CNTN4: variants seen among roughly 807,000 people sequenced by gnomAD.
CNTN4 encodes contactin 4.
A neutral mutation model predicts 122.5 loss-of-function variants in CNTN4; 77 were observed. The ratio of observed to expected loss-of-function variants is 0.63; its 90% CI spans 0.52 to 0.76. The LOEUF (loss-of-function observed/expected upper bound fraction) is 0.76, where lower values mean the gene tolerates loss of function less well. Among genes scored for constraint, CNTN4 ranks in the 30% least tolerant of loss-of-function variants. The probability of loss-of-function intolerance (pLI) is 0.00; values close to 1 mark genes in which losing one functional copy is unlikely to be tolerated. For synonymous variants in CNTN4, 512 were observed against 447.0 expected, an observed-to-expected ratio of 1.15 and a Z score of -1.83; for missense variants, 1,256 against 1,259.1, an observed-to-expected ratio of 1.00 and a Z score of 0.04.
chr3:2,315,547 A>G (rs549387943), intron 2 of CNTN4, among the ~76,000 whole-genome samples: 5 of 151,802 alleles, frequency 3.3e-5, no homozygotes, highest in South Asian at 2.1e-4. Flanking sequence ...GCTTTTTTCT[A>G]TTTTTTTCCT....
At chr3:2,460,099 A>G (rs1261865621) in intron 3 of CNTN4, among the ~76,000 whole-genome samples, 1 of 152,048 alleles carries the variant, frequency 6.6e-6, no homozygotes, top group Non-Finnish European at 1.5e-5. Context: ...GATCTCTAAT[A>G]TAGCAGGTGT....
chr3:2,712,394 A>G (rs1485528019), intron 4 of CNTN4, among the ~76,000 whole-genome samples: 1 of 152,240 alleles, frequency 6.6e-6, no homozygotes, highest in African/African-American at 2.4e-5. Flanking sequence ...ATAAAATTCT[A>G]TTAGCTAGTA....
rs138850898 is a variant in CNTN4 at position 2,428,361 on chromosome 3, A to G, written c.-89+89128A>G. 8.5e-3 allele frequency among the ~76,000 whole-genome samples: 1,295 copies of G among 152,200 alleles called. 19 individuals carry two copies. Among genetic ancestry groups the G allele is most frequent in the African/African-American group, 0.03 (1,229 of 41,524 alleles). On this transcript the variant is annotated intron_variant, in intron 3 of 24. Transcript: ENST00000418658. ...AGTTTGGCTGGATATGAAATTCTGG[A>G]TTGAAAATTCTTTGCTTTAAGAATG... is the stretch of plus-strand genomic sequence containing the variant.
chr3:2,946,374 G>A (rs1428051378), intron 13 of CNTN4, among the ~76,000 whole-genome samples: 1 of 152,114 alleles, frequency 6.6e-6, no homozygotes, highest in Non-Finnish European at 1.5e-5. Context: ...TACATTTATG[G>A]TAAAACTGAG....
intron 2 of CNTN4, among the ~76,000 whole-genome samples, chr3:2,226,079 C>G (rs921747314): frequency 6.6e-6 from 1 of 152,160 alleles, no homozygotes; most frequent in Non-Finnish European, 1.5e-5. Context: ...TGTTTAAATA[C>G]TGGTAAAAGC....
At chr3:2,285,212 C>A (rs1212739860) in intron 2 of CNTN4, among the ~76,000 whole-genome samples, 1 of 151,940 alleles carries the variant, frequency 6.6e-6, no homozygotes, top group East Asian at 1.9e-4. Context: ...TAAAGTACTA[C>A]AAGATGAGTA....
rs563843768 is a variant in CNTN4 at position 2,822,733 on chromosome 3, A to C, written c.454+3152A>C. ...GTGATGCTGTGCTGCTACGCAATGAAGTACCTGACTACTTTCCCTTTCCCA... is the reference window on the plus strand; with the variant it reads ...GTGATGCTGTGCTGCTACGCAATGACGTACCTGACTACTTTCCCTTTCCCA... On this transcript the variant is annotated intron_variant, in intron 7 of 24. Transcript: ENST00000418658. Among the ~76,000 whole-genome samples, 386 of 152,332 alleles carry C rather than the reference A, an allele frequency of 2.5e-3. 4 individuals carry two copies. Among genetic ancestry groups the C allele is most frequent in the African/African-American group, 8.4e-3 (348 of 41,592 alleles).
rs149458426 is a variant in CNTN4, at chr3:2,173,146, C to G, written c.-145+72507C>G. Among the ~76,000 whole-genome samples, 11 of 152,286 alleles carry G rather than the reference C, an allele frequency of 7.2e-5. No homozygotes were observed. The East Asian group carries it at 2.1e-3, about 29-fold the overall frequency. ...ATTAGAACAAAAGAGAACAGAAATA[C>G]AGTTGAGTACTTTGCCAGACTCATC... On this transcript the variant is annotated intron_variant, in intron 2 of 24. Transcript: ENST00000418658.
At chr3:2,755,370 C>T (rs762566699) in intron 6 of CNTN4, among the ~76,000 whole-genome samples, 27 of 152,076 alleles carry the variant, frequency 1.8e-4, no homozygotes, top group Non-Finnish European at 3.5e-4. Flanking sequence ...ATGTAATCAA[C>T]TTTAGAAACA....
At chr3:2,772,048 G>A (rs150468734) in intron 6 of CNTN4, among the ~76,000 whole-genome samples, 1 of 152,288 alleles carries the variant, frequency 6.6e-6, no homozygotes, top group African/African-American at 2.4e-5. Context: ...GAGGCTACAA[G>A]GGGAGAGAGA....
chr3:2,759,844 T>C (rs922700153), intron 6 of CNTN4, among the ~76,000 whole-genome samples: 2 of 152,238 alleles, frequency 1.3e-5, no homozygotes, highest in Non-Finnish European at 2.9e-5. Flanking sequence ...TAGCACTTGC[T>C]ATTGTTGGCT....
chr3:2,609,009 T>G (rs902255312), intron 4 of CNTN4, among the ~76,000 whole-genome samples: 1 of 152,180 alleles, frequency 6.6e-6, no homozygotes, highest in Non-Finnish European at 1.5e-5. Context: ...CAACAGAAAT[T>G]TTTTAAAAAC....
chr3:2,496,478 CAT>C (rs2076455123), intron 3 of CNTN4, among the ~76,000 whole-genome samples: 1 of 151,998 alleles, frequency 6.6e-6, no homozygotes, highest in Admixed American at 6.6e-5. Flanking sequence ...AAAAATATGA[CAT>C]AGATTTGTTG....
At chr3:2,595,352 T>TCC (rs1291397257) in intron 4 of CNTN4, among the ~76,000 whole-genome samples, 1 of 152,158 alleles carries the variant, frequency 6.6e-6, no homozygotes, top group African/African-American at 2.4e-5. Context: ...CAGGAAAAAT[T>TCC]CCACAATGTC....
At chr3:2,977,946 G>A (rs1005013225) in intron 13 of CNTN4, among the ~76,000 whole-genome samples, 5 of 152,124 alleles carry the variant, frequency 3.3e-5, no homozygotes, top group African/African-American at 1.2e-4. Flanking sequence ...ACCATGTGAC[G>A]ATGGAGGCAG....
At chr3:2,263,219 G>T (rs1365324948) in intron 2 of CNTN4, among the ~76,000 whole-genome samples, 1 of 152,006 alleles carries the variant, frequency 6.6e-6, no homozygotes, top group Admixed American at 6.6e-5. Context: ...CACTGTTGCT[G>T]GGTAGATTGT....
chr3:2,307,454 G>A (rs1455479932), intron 2 of CNTN4, among the ~76,000 whole-genome samples: 4 of 151,006 alleles, frequency 2.6e-5, no homozygotes, highest in Non-Finnish European at 4.4e-5. Flanking sequence ...AAAAAAAATA[G>A]CAAGACAACC....
chr3:2,729,541 C>G (rs1484945063), intron 4 of CNTN4, among the ~76,000 whole-genome samples: 1 of 63,952 alleles, frequency 1.6e-5, no homozygotes, highest in Non-Finnish European at 3.2e-5. Context: ...GAGACTCCAT[C>G]TCAAAAAAAA....
At chr3:2,278,650 C>T (rs1449971632) in intron 2 of CNTN4, among the ~76,000 whole-genome samples, 1 of 152,146 alleles carries the variant, frequency 6.6e-6, no homozygotes, top group Non-Finnish European at 1.5e-5. Flanking sequence ...ACAGCATAGT[C>T]ATTAAGAGAA....
Sources: allele counts gnomAD v4.1 joint callset (sites outside exome capture counted in the v4.1 genomes callset), GRCh38; gene constraint gnomAD v4.1.1; transcripts MANE v1.5; gene names NCBI Gene and HGNC (gene_info 2026-07-23, HGNC 2026-07-21).